Variants in GRIN2B observed in about 807,000 individuals in gnomAD.
GRIN2B encodes the protein glutamate receptor ionotropic, NMDA 2B.
Under a neutral mutation model 114.5 loss-of-function variants are expected in GRIN2B, and 5 were observed. That is an observed-to-expected ratio of 0.04 (90% CI 0.02 to 0.09). GRIN2B has a LOEUF of 0.09. Ranked by LOEUF, GRIN2B falls within the 10% of genes least tolerant of loss-of-function variation. GRIN2B has a pLI of 1.00. For missense variants in GRIN2B, 1,108 were observed against 1,943.5 expected (o/e 0.57, Z 8.08); for synonymous variants, 787 against 745.1 (o/e 1.06, Z -0.92).
At position 13,899,138 on chromosome 12, in the gene GRIN2B, A is replaced by T. The variant is rs1020700789; in HGVS notation, c.-18-32912T>A. Among the ~76,000 whole-genome samples the T allele has an allele frequency of 8.5e-5, 13 of 152,338 alleles. No individual in the cohort carries two copies. The South Asian group carries it at 2.5e-3, about 29-fold the overall frequency. On this transcript the variant is annotated intron_variant, in intron 2 of 13. Coordinates refer to ENST00000609686, the MANE Select transcript of GRIN2B (RefSeq NM_000834.5). ...AACCTAACACTGTCTTACACAACTC[A>T]AAATATATTATGAAAGATTTGAATT...
In GRIN2B at chr12:13,563,996, C is replaced by T; in HGVS notation, c.3242G>A (p.Arg1081His). The T allele has an allele frequency of 1.9e-6, 3 of 1,614,238 alleles. No homozygotes were observed. The highest frequency in any genetic ancestry group is 1.1e-5 in the South Asian group (1 of 91,084). The change falls in exon 14 of 14, where the codon CGT becomes CAT. Residue 1081 changes from arginine (R) to histidine (H), a missense_variant. Transcript: ENST00000609686. ...GNIEGNAAKR[R>H]KQQYKDSLKK... Reference sequence around the variant, plus strand: ...CAGGCTGTCCTTATATTGCTGCTTACGCCTCTTGGCGGCATTGCCCTCGAT... The same window carrying T: ...CAGGCTGTCCTTATATTGCTGCTTATGCCTCTTGGCGGCATTGCCCTCGAT...
chr12:13,675,734 A>ACATGT lies in GRIN2B; in HGVS notation c.1125+6_1125+10dup, dbSNP rs760029228. 2.2e-5 allele frequency: 33 copies of ACATGT among 1,491,520 alleles called. No individual in the cohort carries two copies. The highest frequency in any genetic ancestry group is 1.7e-4 in the Middle Eastern group (1 of 5,860). The allele number at this position is 1,491,520 out of a possible 1,614,324, so 92.4% of individuals were successfully genotyped here. On this transcript the variant is annotated intron_variant, in intron 5 of 13. Transcript: ENST00000609686. The stretch of plus-strand genomic sequence containing the variant: ...CTACTTTGCTCAAGAATTGTCAAAG[A>ACATGT]CATGTCTTACCCTTTCCCACTTCCT...
In GRIN2B at chr12:13,574,842, ATAAAGCTACAG is replaced by A. The variant is rs1400105353; in HGVS notation, c.2011-2889_2011-2879del. On this transcript the variant is annotated intron_variant, in intron 10 of 13. Transcript: ENST00000609686. ...ACACTACCTGACTTTAAGATTCATT[ATAAAGCTACAG>A]TAATCACGAGAGTGTGGCATTAGCG... is the stretch of plus-strand genomic sequence containing the variant. 2.9e-3 allele frequency among the ~76,000 whole-genome samples: 435 copies of A among 152,374 alleles called. 3 individuals carry two copies. Among genetic ancestry groups the A allele is most frequent in the African/African-American group, 1.0e-2 (414 of 41,590 alleles).
At position 13,564,264 on chromosome 12, in the gene GRIN2B, G is replaced by A; in HGVS notation, c.2974C>T (p.His992Tyr). The part of the protein sequence containing the change: ...QDHYHHHHRP[H>Y]SIGSASSIDG... ...ATGGAGCTGGCACTGCCAATACTAT[G>A]GGGCCGGTGGTGATGGTGGTAGTGA... Residue 992 changes from histidine (H) to tyrosine (Y), a missense_variant, in exon 14 of 14, where the codon CAT (histidine) becomes TAT (tyrosine). His to Tyr is a moderately conservative substitution (Grantham distance 83). Coordinates refer to ENST00000609686, the MANE Select transcript of GRIN2B (RefSeq NM_000834.5). This position sits in a 1 kb window ranked among gnomAD's most constrained non-coding sequence, Gnocchi z 4.8. 6.2e-7 allele frequency: 1 copy of A among 1,614,190 alleles called. No homozygotes were observed. Among genetic ancestry groups the A allele is most frequent in the Non-Finnish European group, 8.5e-7 (1 of 1,180,030 alleles).
chr12:13,688,314 G>T (rs776692538), intron 4 of GRIN2B, among the ~76,000 whole-genome samples: 27 of 152,122 alleles, frequency 1.8e-4, no homozygotes, highest in Non-Finnish European at 3.8e-4. Flanking sequence ...ACCAACCAGT[G>T]GTCCATCAGT....
chr12:13,592,348 C>A (rs988717514), intron 10 of GRIN2B, among the ~76,000 whole-genome samples: 7 of 152,192 alleles, frequency 4.6e-5, no homozygotes, highest in African/African-American at 1.2e-4. Flanking sequence ...TTCCAAACAG[C>A]CCCAGCAGCA....
intron 10 of GRIN2B, among the ~76,000 whole-genome samples, chr12:13,592,798 G>A (rs1472291830): frequency 6.6e-6 from 1 of 152,142 alleles, no homozygotes; most frequent in Non-Finnish European, 1.5e-5. Context: ...TTCGGTCTAA[G>A]TGATGACATC....
intron 5 of GRIN2B, among the ~76,000 whole-genome samples, chr12:13,623,465 T>A (rs1018091741): frequency 6.6e-6 from 1 of 152,232 alleles, no homozygotes; most frequent in African/African-American, 2.4e-5. Context: ...TAAGTTTTTA[T>A]CACTACTAAA....
At chr12:13,660,229 AC>A (rs1220631764) in intron 5 of GRIN2B, among the ~76,000 whole-genome samples, 7 of 152,120 alleles carry the variant, frequency 4.6e-5, no homozygotes, top group African/African-American at 1.7e-4. Context: ...GGGGGAGAGG[AC>A]CACACACAGG....
chr12:13,628,816 A>G (rs1397475152), intron 5 of GRIN2B, among the ~76,000 whole-genome samples: 1 of 152,250 alleles, frequency 6.6e-6, no homozygotes, highest in Non-Finnish European at 1.5e-5. Context: ...AAACACTGAT[A>G]ATTATGAATG....
chr12:13,563,513 C>T lies in GRIN2B; in HGVS notation c.3725G>A (p.Cys1242Tyr), dbSNP rs1318054612. Residue 1242 changes from cysteine to tyrosine, a missense_variant, in exon 14 of 14, where the codon TGT becomes TAT. This residue lies in a region of GRIN2B where 478 missense variants were observed against 506.0 expected (regional missense o/e 0.94). Transcript: ENST00000609686. ...GTTGCCTGCTTTCTTGCAAGCCTCA[C>T]ACCGGATGCACGCCTGCCTGCCCGA... ...QNSGRQACIR[C>Y]EACKKAGNLY... 2 of 1,614,036 alleles carry T rather than the reference C, an allele frequency of 1.2e-6. No individual in the cohort carries two copies. Among genetic ancestry groups the T allele is most frequent in the African/African-American group, 1.3e-5 (1 of 74,928 alleles).
In GRIN2B at chr12:13,679,956, AT is replaced by A. The variant is rs569185693; in HGVS notation, c.1011-4098del. Among the ~76,000 whole-genome samples the A allele has an allele frequency of 3.2e-4, 49 of 152,316 alleles. No individual in the cohort carries two copies. The South Asian group carries it at 8.1e-3, about 25-fold the overall frequency. On this transcript the variant is annotated intron_variant, in intron 4 of 13. Transcript: ENST00000609686. Reference sequence around the variant, plus strand: ...AAACTATATAAAATATGATACAAATATAAGGTTATTTAATAGGAAAAATTCA... The same window carrying A: ...AAACTATATAAAATATGATACAAATAAAGGTTATTTAATAGGAAAAATTCA...
At chr12:13,766,068 G>A (rs1172598660) in intron 3 of GRIN2B, among the ~76,000 whole-genome samples, 5 of 152,068 alleles carry the variant, frequency 3.3e-5, no homozygotes, top group Non-Finnish European at 5.9e-5. Flanking sequence ...TGATGGACTC[G>A]GTACACATTA....
chr12:13,820,203 T>C (rs1457128262), intron 3 of GRIN2B, among the ~76,000 whole-genome samples: 1 of 152,148 alleles, frequency 6.6e-6, no homozygotes, highest in Non-Finnish European at 1.5e-5. Context: ...GGAGCCCACA[T>C]GAGCCCCCAA....
rs1555154300 is a variant in GRIN2B, at chr12:13,898,028, A to AT, written c.-18-31803_-18-31802insA. ...AATAAATAAATAAATAAATAAATAAAAAAGAAAGGGCTACCTTTATACAGC... is the reference window on the plus strand; with the variant it reads ...AATAAATAAATAAATAAATAAATAAATAAAGAAAGGGCTACCTTTATACAGC... On this transcript the variant is annotated intron_variant, in intron 2 of 13. Coordinates refer to ENST00000609686, the MANE Select transcript of GRIN2B (RefSeq NM_000834.5). 1.1e-4 allele frequency among the ~76,000 whole-genome samples: 16 copies of AT among 150,616 alleles called. No individual in the cohort carries two copies. In the South Asian group the frequency reaches 1.7e-3, roughly 16 times the overall value.
At position 13,676,990 on chromosome 12, in the gene GRIN2B, A is replaced by T. The variant is rs117621342; in HGVS notation, c.1011-1131T>A. On this transcript the variant is annotated intron_variant, in intron 4 of 13. Transcript: ENST00000609686. ...TCTTCCTCCCGGACACCTTCACCTC[A>T]GCCCACCCTTTTCCCCTCTGGCTGC... 1.8e-3 allele frequency among the ~76,000 whole-genome samples: 268 copies of T among 152,288 alleles called. 2 individuals carry two copies. Among genetic ancestry groups the T allele is most frequent in the Middle Eastern group, 0.01 (3 of 294 alleles).
intron 3 of GRIN2B, among the ~76,000 whole-genome samples, chr12:13,780,851 G>T: frequency 7.6e-6 from 1 of 130,934 alleles, no homozygotes; most frequent in Non-Finnish European, 1.6e-5. Context: ...AAAAAAAAAA[G>T]CCTTTACAGA....
rs530319292 is a variant in GRIN2B, at chr12:13,751,222, G to C, written c.1010+2095C>G. On this transcript the variant is annotated intron_variant, in intron 4 of 13. Transcript: ENST00000609686. Reference sequence around the variant, plus strand: ...TGAGAGAATTTTGGAAAGACAGGCAGGGCCCATGAGGCTGAAGTCTTTATA... The same window carrying C: ...TGAGAGAATTTTGGAAAGACAGGCACGGCCCATGAGGCTGAAGTCTTTATA... Among the ~76,000 whole-genome samples the C allele has an allele frequency of 2.0e-5, 3 of 152,298 alleles. No homozygotes were observed. The South Asian group carries it at 6.2e-4, about 32-fold the overall frequency.
intron 10 of GRIN2B, among the ~76,000 whole-genome samples, chr12:13,580,603 T>C (rs1948834672): frequency 6.6e-6 from 1 of 152,238 alleles, no homozygotes. Context: ...GGGCTAATTA[T>C]GAGGAGGTGG....
Sources: allele counts gnomAD v4.1 joint callset (sites outside exome capture counted in the v4.1 genomes callset), GRCh38; gene constraint gnomAD v4.1.1; regional missense constraint gnomAD v4.1.1; non-coding constraint Gnocchi (gnomAD v3.1); transcripts MANE v1.5; gene names NCBI Gene and HGNC (gene_info 2026-07-23, HGNC 2026-07-21).